The following IPO8 variants were observed in gnomAD, a reference collection of about 807,000 sequenced individuals.
IPO8 encodes importin-8.
IPO8 carries 65 observed loss-of-function variants against 141.2 expected under a neutral mutation model. The ratio of observed to expected loss-of-function variants is 0.46; its 90% confidence interval spans 0.38 to 0.57. The LOEUF (loss-of-function observed/expected upper bound fraction) is 0.57. IPO8 is among the 20% of genes least tolerant of loss of function. IPO8 has a pLI of 0.00. For synonymous variants in IPO8, 411 were observed against 420.3 expected (o/e 0.98, Z 0.27); for missense variants, 980 against 1,246.8 (o/e 0.79, Z 3.22).
intron 17 of IPO8, among the ~76,000 whole-genome samples, chr12:30,656,412 C>T (rs2052800948): frequency 6.6e-6 from 1 of 152,128 alleles, no homozygotes; most frequent in Non-Finnish European, 1.5e-5. Context: ...TCACCTAAAC[C>T]TCATCCCAGT....
At chr12:30,636,467 A>G (rs1416285426) in intron 22 of IPO8, among the ~76,000 whole-genome samples, 4 of 152,154 alleles carry the variant, frequency 2.6e-5, no homozygotes, top group African/African-American at 9.7e-5. Flanking sequence ...TATGTACTTT[A>G]CCTTAATTTA....
chr12:30,656,331 C>A (rs868128477), intron 17 of IPO8, among the ~76,000 whole-genome samples: 1 of 152,184 alleles, frequency 6.6e-6, no homozygotes, highest in African/African-American at 2.4e-5. Flanking sequence ...AGCCACGGTG[C>A]CCAGCCATTT....
chr12:30,655,110 C>A lies in IPO8; in HGVS notation c.1948+1574G>T, dbSNP rs140574970. Among the ~76,000 whole-genome samples the A allele has an allele frequency of 2.1e-3, 314 of 152,128 alleles. 2 individuals are homozygous for A. Among genetic ancestry groups the A allele is most frequent in the South Asian group, 4.6e-3 (22 of 4,814 alleles). On this transcript the variant is annotated intron_variant, in intron 17 of 24. Transcript: ENST00000256079. ...AGCCAAAACAGAACTTTCAGAAATT[C>A]TTTTATTATTAATTAAAGGCCACAG...
In IPO8 at chr12:30,639,613, C is replaced by G. The variant is rs1361559651; in HGVS notation, c.2391G>C (p.Leu797=). 1 of 1,614,076 alleles carries G rather than the reference C, an allele frequency of 6.2e-7. No homozygotes were observed. Among genetic ancestry groups the G allele is most frequent in the Admixed American group, 1.7e-5 (1 of 60,022 alleles). The change falls in exon 21 of 25, where the codon CTG becomes CTC. Residue 797 remains leucine (L), a synonymous_variant. Coordinates refer to ENST00000256079, the MANE Select transcript of IPO8 (RefSeq NM_006390.4). ...IAALYYNPDL[L]LHTLERIQLP... is the part of the protein sequence containing the mutation. ...ACTGAATTCGTTCTAAAGTATGTAG[C>G]AGCAAATCAGGGTTGTAGTACAAGG...
At chr12:30,680,198 T>C (rs1030110441) in intron 5 of IPO8, among the ~76,000 whole-genome samples, 3 of 152,194 alleles carry the variant, frequency 2.0e-5, no homozygotes, top group Non-Finnish European at 4.4e-5. Flanking sequence ...ACAGAACAGA[T>C]AGTTGCGAGT....
At chr12:30,676,426 A>T in intron 6 of IPO8, 72 bp downstream of exon 6, 2 of 864,580 alleles carry the variant, frequency 2.3e-6, no homozygotes, top group Admixed American at 3.7e-5. Context: ...GCAGTCAGGG[A>T]TAATGCATCA....
intron 20 of IPO8, among the ~76,000 whole-genome samples, chr12:30,647,577 C>T (rs538510832): frequency 5.7e-5 from 7 of 122,608 alleles, no homozygotes; most frequent in Admixed American, 4.7e-4. Context: ...TGCACTCCAG[C>T]CCAGGTGATA....
At chr12:30,681,524 A>T in intron 4 of IPO8, 135 bp downstream of exon 4, 1 of 723,432 alleles carries the variant, frequency 1.4e-6, no homozygotes, top group Non-Finnish European at 2.2e-6. Flanking sequence ...AAACACATTT[A>T]AGCATGTTTA....
intron 17 of IPO8, 70 bp from the exon 18 acceptor site, chr12:30,653,162 G>A (rs1018395662): frequency 3.4e-6 from 5 of 1,450,358 alleles, no homozygotes; most frequent in Non-Finnish European, 4.8e-6. Context: ...CCACACAGAG[G>A]AGGGTTTAGA....
chr12:30,677,187 A>G (rs980615298), intron 5 of IPO8: 3 of 775,818 alleles, frequency 3.9e-6, no homozygotes, highest in East Asian at 3.9e-5. Flanking sequence ...AAATGTATAT[A>G]AAGTCATGCA....
intron 10 of IPO8, among the ~76,000 whole-genome samples, chr12:30,667,964 T>C (rs576104743): frequency 3.3e-4 from 50 of 152,200 alleles, no homozygotes; most frequent in African/African-American, 1.2e-3. Context: ...AGGGAGACCC[T>C]GTCTCTGCAA....
chr12:30,666,284 G>A (rs1340554893), intron 10 of IPO8, 33 bp from the exon 11 acceptor site: 1 of 1,432,910 alleles, frequency 7.0e-7, no homozygotes, highest in African/African-American at 1.4e-5. Flanking sequence ...CCATGTTAGT[G>A]AAAATATAAT....
chr12:30,689,781 A>G (rs372241736), intron 2 of IPO8, among the ~76,000 whole-genome samples: 76 of 152,308 alleles, frequency 5.0e-4, no homozygotes, highest in African/African-American at 1.8e-3. Flanking sequence ...CCTTCTTTGT[A>G]TTCTTCTAAA....
intron 15 of IPO8, among the ~76,000 whole-genome samples, chr12:30,661,969 G>A (rs2052893683): frequency 6.6e-6 from 1 of 152,122 alleles, no homozygotes; most frequent in Admixed American, 6.5e-5. Flanking sequence ...GATATATTTT[G>A]AGAAATGTGT....
intron 20 of IPO8, among the ~76,000 whole-genome samples, chr12:30,642,494 C>T (rs956284852): frequency 1.3e-5 from 2 of 151,884 alleles, no homozygotes; most frequent in Non-Finnish European, 2.9e-5. Flanking sequence ...AGCCAAACAA[C>T]ATATTTCTTG....
chr12:30,690,645 G>T, intron 1 of IPO8, 68 bp from the exon 2 acceptor site: 1 of 789,652 alleles, frequency 1.3e-6, no homozygotes, highest in Non-Finnish European at 2.1e-6. Context: ...GTTAGCACCG[G>T]TTACTGAATA....
In IPO8 at chr12:30,659,227, T is replaced by C. The variant is rs140439219; in HGVS notation, c.1881+1914A>G. On this transcript the variant is annotated intron_variant, in intron 16 of 24. Coordinates refer to ENST00000256079, the MANE Select transcript of IPO8 (RefSeq NM_006390.4). ...CAAGTCAGCCGGGCATAGTGGCTCA[T>C]GCCTATAATCCCAGCACTTTCAGAA... Among the ~76,000 whole-genome samples the C allele has an allele frequency of 3.7e-3, 560 of 152,236 alleles. 9 individuals are homozygous for C. Among genetic ancestry groups the C allele is most frequent in the Admixed American group, 0.033 (501 of 15,300 alleles).
In IPO8 at chr12:30,653,027, A is replaced by T; in HGVS notation, c.2014T>A (p.Trp672Arg). ...LTCHSISPQM[W>R]QLLGILYEVF... ...TCATATAGTATACCTAGAAGCTGCC[A>T]CATTTGAGGGGAAATACTGTGGCAG... The change falls in exon 18 of 25, where the codon TGG becomes AGG. Residue 672 changes from tryptophan to arginine, a missense_variant. This residue lies in a region of IPO8 where 924 missense variants were observed against 1,153.9 expected (regional missense o/e 0.80). Coordinates refer to ENST00000256079, the MANE Select transcript of IPO8 (RefSeq NM_006390.4). 1 of 1,612,138 alleles carries T rather than the reference A, an allele frequency of 6.2e-7. No individual in the cohort carries two copies. Among genetic ancestry groups the T allele is most frequent in the Non-Finnish European group, 8.5e-7 (1 of 1,178,762 alleles).
rs930735663 is a variant in IPO8 at position 30,677,027 on chromosome 12, A to G, written c.640-440T>C. On this transcript the variant is annotated intron_variant, in intron 5 of 24. Transcript: ENST00000256079. ...TAATAACTACAGTCCACTTTGTACT[A>G]AACAGATATATGGCTCACCTCTGCT... 24 of 1,527,416 alleles carry G rather than the reference A, an allele frequency of 1.6e-5. No homozygotes were observed. The African/African-American group carries it at 2.9e-4, about 18-fold the overall frequency. 94.6% of individuals were successfully genotyped at this position (1,527,416 alleles called of 1,614,324 possible). A position where few individuals can be genotyped will look rare whatever the true frequency, so the allele number is the denominator to read the frequency against.
Sources: allele counts gnomAD v4.1 joint callset (sites outside exome capture counted in the v4.1 genomes callset), GRCh38; gene constraint gnomAD v4.1.1; regional missense constraint gnomAD v4.1.1; transcripts MANE v1.5; gene names NCBI Gene and HGNC (gene_info 2026-07-23, HGNC 2026-07-21).